Variants in HIVEP3 observed in about 807,000 individuals in gnomAD.
HIVEP3 encodes transcription factor HIVEP3.
A neutral mutation model predicts 152.8 loss-of-function variants in HIVEP3; 49 were observed. That is an observed-to-expected ratio of 0.32 (90% CI 0.26 to 0.41). The LOEUF is 0.41. HIVEP3 is among the 10% of genes least tolerant of loss of function. The pLI is 1.00. For missense variants in HIVEP3, 2,790 were observed against 3,103.3 expected (o/e 0.90, Z 2.40); for synonymous variants, 1,269 against 1,289.0 (o/e 0.98, Z 0.33).
intron 5 of HIVEP3, among the ~76,000 whole-genome samples, chr1:41,545,391 A>ACC (rs1553224848): frequency 0.023 from 793 of 34,744 alleles, 28 homozygotes; most frequent in African/African-American, 0.082. Flanking sequence ...CACCACCACC[A>ACC]ATACCACTAC....
At chr1:41,606,772 C>T (rs1397702669) in intron 3 of HIVEP3, among the ~76,000 whole-genome samples, 4 of 151,692 alleles carry the variant, frequency 2.6e-5, no homozygotes, top group Non-Finnish European at 5.9e-5. Context: ...TTAGTTTATC[C>T]TCCAGAATTG....
intron 2 of HIVEP3, among the ~76,000 whole-genome samples, chr1:41,631,927 C>T (rs1362344814): frequency 2.0e-5 from 3 of 152,190 alleles, no homozygotes; most frequent in East Asian, 3.8e-4. Context: ...TTGGCTCAGG[C>T]AGCCTCTTCT....
chr1:41,749,134 G>A (rs778779005), intron 1 of HIVEP3, among the ~76,000 whole-genome samples: 1 of 152,168 alleles, frequency 6.6e-6, no homozygotes, highest in African/African-American at 2.4e-5. Context: ...CCAATAGGCT[G>A]CAGACAGTGA....
intron 1 of HIVEP3, among the ~76,000 whole-genome samples, chr1:41,907,125 T>C (rs1164509687): frequency 1.3e-5 from 2 of 152,134 alleles, no homozygotes; most frequent in Non-Finnish European, 2.9e-5. Context: ...GTAGAAAGCA[T>C]GCATATATTA....
intron 1 of HIVEP3, among the ~76,000 whole-genome samples, chr1:41,870,036 G>A (rs1440359330): frequency 6.6e-6 from 1 of 152,172 alleles, no homozygotes; most frequent in East Asian, 1.9e-4. Flanking sequence ...GGAGCAGAAT[G>A]TGAGTGCGTC....
At position 41,863,947 on chromosome 1, in the gene HIVEP3, G is replaced by C. The variant is rs1053371181; in HGVS notation, c.-801+54466C>G. The stretch of plus-strand genomic sequence containing the variant: ...CGCAACTATTGATAGAAGCTAAGAA[G>C]AATTTCTGAATGGGATTAGCCATCT... On this transcript the variant is annotated intron_variant, in intron 1 of 8. Coordinates refer to ENST00000372583, the MANE Select transcript of HIVEP3 (RefSeq NM_024503.5). 4.6e-5 allele frequency among the ~76,000 whole-genome samples: 7 copies of C among 152,308 alleles called. No homozygotes were observed. The East Asian group carries it at 1.3e-3, about 29-fold the overall frequency.
At chr1:41,778,910 G>A (rs149809469) in intron 1 of HIVEP3, among the ~76,000 whole-genome samples, 171 of 152,306 alleles carry the variant, frequency 1.1e-3, no homozygotes, top group African/African-American at 3.5e-3. Flanking sequence ...GTGAGAGGGA[G>A]AAAGCCAGGC....
intron 1 of HIVEP3, among the ~76,000 whole-genome samples, chr1:41,885,120 C>T (rs1367866701): frequency 2.0e-5 from 3 of 152,164 alleles, no homozygotes; most frequent in African/African-American, 4.8e-5. Context: ...CTCCTCTGAG[C>T]TTCACATAAC....
chr1:41,728,317 G>C (rs1365210274), intron 1 of HIVEP3, among the ~76,000 whole-genome samples: 1 of 152,152 alleles, frequency 6.6e-6, no homozygotes, highest in Non-Finnish European at 1.5e-5. Flanking sequence ...CCAAAGCCAG[G>C]CACAAATTCC....
chr1:41,545,648 CACCACT>C (rs1210418119), intron 5 of HIVEP3, among the ~76,000 whole-genome samples: 1 of 137,938 alleles, frequency 7.2e-6, no homozygotes, highest in East Asian at 2.9e-4. Flanking sequence ...CCACCATCAC[CACCACT>C]ACCACCCCTG....
intron 2 of HIVEP3, among the ~76,000 whole-genome samples, chr1:41,636,766 C>T (rs1333264692): frequency 1.3e-5 from 2 of 152,098 alleles, no homozygotes. Context: ...CAAAACCAGC[C>T]TGTCCAACAT....
chr1:41,840,875 C>T (rs928289199), intron 1 of HIVEP3, among the ~76,000 whole-genome samples: 3 of 152,328 alleles, frequency 2.0e-5, no homozygotes, highest in Admixed American at 6.5e-5. Context: ...ATAACTTTCT[C>T]TCCTTTTAAT....
intron 1 of HIVEP3, among the ~76,000 whole-genome samples, chr1:41,978,914 A>G (rs1645278538): frequency 2.0e-5 from 3 of 152,140 alleles, no homozygotes; most frequent in Non-Finnish European, 4.4e-5. Context: ...CGATCACTGC[A>G]CCAGACTGAC....
chr1:41,743,897 C>A (rs914359998), intron 1 of HIVEP3, among the ~76,000 whole-genome samples: 1 of 152,144 alleles, frequency 6.6e-6, no homozygotes, highest in African/African-American at 2.4e-5. Flanking sequence ...GAGGGAGGGA[C>A]TCCCTGGATA....
At chr1:41,713,537 A>C (rs1311967812) in intron 1 of HIVEP3, among the ~76,000 whole-genome samples, 2 of 152,256 alleles carry the variant, frequency 1.3e-5, no homozygotes, top group Non-Finnish European at 2.9e-5. Flanking sequence ...AATGAGGATA[A>C]TCACCAAATA....
chr1:41,990,721 C>T (rs1357116779), intron 1 of HIVEP3, among the ~76,000 whole-genome samples: 6 of 149,964 alleles, frequency 4.0e-5, no homozygotes, highest in South Asian at 2.2e-4. Flanking sequence ...CCACACCACA[C>T]CTATTCCAAA....
intron 1 of HIVEP3, among the ~76,000 whole-genome samples, chr1:41,837,073 A>G (rs1008598617): frequency 6.6e-6 from 1 of 151,790 alleles, no homozygotes; most frequent in Admixed American, 6.6e-5. Context: ...ATCTCCCTCC[A>G]CCCTTTCAAT....
At chr1:42,002,349 C>G (rs1202075119) in intron 1 of HIVEP3, among the ~76,000 whole-genome samples, 1 of 152,168 alleles carries the variant, frequency 6.6e-6, no homozygotes, top group Non-Finnish European at 1.5e-5. Flanking sequence ...CCTGGCCTCT[C>G]ACAGACACAG....
chr1:41,854,434 C>T (rs1486649352), intron 1 of HIVEP3, among the ~76,000 whole-genome samples: 2 of 151,960 alleles, frequency 1.3e-5, no homozygotes, highest in Non-Finnish European at 2.9e-5. Flanking sequence ...CTCCTGTTCG[C>T]TCACCCCTCT....
Sources: gnomAD v4.1 joint callset for allele counts (sites outside exome capture counted in the v4.1 genomes callset) on GRCh38, gnomAD v4.1.1 for gene constraint, MANE v1.5 for transcripts, NCBI Gene and HGNC (gene_info 2026-07-23, HGNC 2026-07-21) for gene names.